Variants in GBP7 observed in about 807,000 individuals in gnomAD.
GBP7 encodes the protein guanylate binding protein 7, also known as guanylate-binding protein 7.
GBP7 carries 43 observed loss-of-function variants against 61.3 expected under a neutral mutation model. The observed-to-expected ratio is 0.70, with a 90% CI of 0.55 to 0.91. The LOEUF is 0.91. GBP7 is among the 40% of genes least tolerant of loss of function. GBP7 has a pLI of 0.00. For missense variants in GBP7, 717 were observed against 740.5 expected (o/e 0.97, Z 0.37); for synonymous variants, 267 against 271.0 (o/e 0.99, Z 0.14).
chr1:89,165,860 TA>T (rs1390130199), intron 2 of GBP7, among the ~76,000 whole-genome samples: 3 of 152,074 alleles, frequency 2.0e-5, no homozygotes, highest in African/African-American at 7.2e-5. Context: ...GACACGTGTA[TA>T]CCTACGTAAG....
In GBP7 at chr1:89,172,214, C is replaced by A. The variant is rs369352504; in HGVS notation, c.-19-260G>T. Among the ~76,000 whole-genome samples, 56 of 152,182 alleles carry A rather than the reference C, an allele frequency of 3.7e-4. 6 individuals carry two copies. The highest frequency in any genetic ancestry group is 9.2e-4 in the Admixed American group (14 of 15,284). ...CCACTTCCCTGGCTTCCCCTAATGT[C>A]GATATTTTACTTAACCATAGAACAA... On this transcript the variant is annotated intron_variant, in intron 1 of 10. Transcript: ENST00000294671.
chr1:89,152,693 T>C lies in GBP7; in HGVS notation c.403A>G (p.Asn135Asp). 1 of 1,613,036 alleles carries C rather than the reference T, an allele frequency of 6.2e-7. No individual in the cohort carries two copies. The highest frequency in any genetic ancestry group is 8.5e-7 in the Non-Finnish European group (1 of 1,179,960). Residue 135 changes from asparagine (N) to aspartate (D), a missense_variant, in exon 4 of 11, where the codon AAC (asparagine) becomes GAC (aspartate). By Grantham distance (23) the Asn-to-Asp change is conservative. Transcript: ENST00000294671. The stretch of plus-strand genomic sequence containing the variant: ...TGCAGCTGCTCCAGGGCCTGGTGGT[T>C]GATGGTGCCCATGCTGTTGTAGACA... ...SFVYNSMGTINHQALEQLHYV... is the reference protein window; with the variant it reads ...SFVYNSMGTIDHQALEQLHYV...
chr1:89,147,649 A>G lies in GBP7; in HGVS notation c.1283T>C (p.Val428Ala). The change falls in exon 8 of 11, where the codon GTT becomes GCT. Residue 428 changes from valine to alanine, a missense_variant. Physicochemically the swap from Val to Ala is moderately conservative, Grantham distance 64 (BLOSUM62 0). Coordinates refer to ENST00000294671, the MANE Select transcript of GBP7 (RefSeq NM_207398.3). Reference sequence around the variant, plus strand: ...TAAGTAGATATTGTGCCCCCCCGGAACAAAGAAAGTTCCTCTTGAAATACT... The same window carrying G: ...TAAGTAGATATTGTGCCCCCCCGGAGCAAAGAAAGTTCCTCTTGAAATACT... ...TESISRGTFFVPGGHNIYLEA... is the reference protein window; with the variant it reads ...TESISRGTFFAPGGHNIYLEA... The G allele has an allele frequency of 6.2e-7, 1 of 1,614,192 alleles. No individual in the cohort carries two copies. Among genetic ancestry groups the G allele is most frequent in the East Asian group, 2.2e-5 (1 of 44,884 alleles).
intron 3 of GBP7, among the ~76,000 whole-genome samples, chr1:89,161,014 T>A (rs1032946734): frequency 1.3e-5 from 2 of 152,180 alleles, no homozygotes; most frequent in Non-Finnish European, 2.9e-5. Context: ...TAGCTCCCAC[T>A]TATAAGTGAG....
At chr1:89,170,799 G>A (rs1175535395) in intron 2 of GBP7, among the ~76,000 whole-genome samples, 3 of 152,090 alleles carry the variant, frequency 2.0e-5, no homozygotes, top group South Asian at 2.1e-4. Context: ...ACAACCTTGC[G>A]ACAAAGGCTA....
rs376337444 is a variant in GBP7 at position 89,149,578 on chromosome 1, T to A, written c.872-6A>T. On this transcript the variant is annotated splice_polypyrimidine_tract_variant and splice_region_variant and intron_variant, in intron 6 of 10. Transcript: ENST00000294671. ...CTCCACCAGCATCCCCAGCCCTGAA[T>A]GATTTAGGAAATTTAGGGAATAGAT... The A allele has an allele frequency of 1.3e-6, 2 of 1,599,692 alleles. No homozygotes were observed. Among genetic ancestry groups the A allele is most frequent in the African/African-American group, 2.7e-5 (2 of 74,638 alleles).
At chr1:89,168,981 A>AAAC (rs1553127066) in intron 2 of GBP7, among the ~76,000 whole-genome samples, 2 of 149,870 alleles carry the variant, frequency 1.3e-5, no homozygotes, top group African/African-American at 2.5e-5. Context: ...AGTTAAAAAA[A>AAAC]AAACAAAAAA....
Position 89,147,698 on chromosome 1 carries a change from G to A in GBP7, c.1234C>T (p.Arg412Trp), listed in dbSNP as rs1011503091. The A allele has an allele frequency of 5.6e-6, 9 of 1,614,150 alleles. No homozygotes were observed. The highest frequency in any genetic ancestry group is 2.2e-5 in the South Asian group (2 of 91,086). Residue 412 changes from arginine to tryptophan, a missense_variant, in exon 8 of 11, where the codon CGG (arginine) becomes TGG (tryptophan). Arg to Trp is a moderately radical substitution (Grantham distance 101). Transcript: ENST00000294671. ...SAKYCQAELKRLSELLTESIS... is the reference protein window; with the variant it reads ...SAKYCQAELKWLSELLTESIS... ...CTTTCTGTCAAGAGCTCTGAAAGCCGCTTAAGCTCAGCCTGACAATATTTG... is the reference window on the plus strand; with the variant it reads ...CTTTCTGTCAAGAGCTCTGAAAGCCACTTAAGCTCAGCCTGACAATATTTG...
Position 89,152,661 on chromosome 1 carries a change from A to G in GBP7, c.428+7T>C. ...AAAACCTGGCTCTTCACTTCCTGGA[A>G]GGATACTGCAGCTGCTCCAGGGCCT... On this transcript the variant is annotated splice_region_variant and intron_variant, in intron 4 of 10. Transcript: ENST00000294671. 6.2e-7 allele frequency: 1 copy of G among 1,610,142 alleles called. No individual in the cohort carries two copies. The highest frequency in any genetic ancestry group is 8.5e-7 in the Non-Finnish European group (1 of 1,178,620).
Position 89,152,366 on chromosome 1 carries a change from A to G in GBP7, c.527T>C (p.Phe176Ser). The stretch of plus-strand genomic sequence containing the variant: ...GGTAAAATCTCGAACAGTCCAAATA[A>G]AGTCTGGAAAGAAACTCACAAACTC... ...SSEFVSFFPD[F>S]IWTVRDFTLE... The change falls in exon 5 of 11, where the codon TTT becomes TCT. Residue 176 changes from phenylalanine to serine, a missense_variant. By Grantham distance (155) the Phe-to-Ser change is radical. Transcript: ENST00000294671. The G allele has an allele frequency of 6.2e-7, 1 of 1,614,012 alleles. No individual in the cohort carries two copies. The highest frequency in any genetic ancestry group is 8.5e-7 in the Non-Finnish European group (1 of 1,179,972).
Position 89,163,602 on chromosome 1 carries a change from C to A in GBP7, c.318+1129G>T, listed in dbSNP as rs369737773. Reference sequence around the variant, plus strand: ...TTTATGTGGGGTCAGTGGTAACCATCCCCCTGTCGTTTCTGACTAATCCTA... The same window carrying A: ...TTTATGTGGGGTCAGTGGTAACCATACCCCTGTCGTTTCTGACTAATCCTA... On this transcript the variant is annotated intron_variant, in intron 3 of 10. Transcript: ENST00000294671. Among the ~76,000 whole-genome samples, 732 of 152,028 alleles carry A rather than the reference C, an allele frequency of 4.8e-3. 3 individuals are homozygous for A. Among genetic ancestry groups the A allele is most frequent in the African/African-American group, 0.016 (677 of 41,488 alleles).
intron 9 of GBP7, among the ~76,000 whole-genome samples, chr1:89,134,275 C>T (rs1000737386): frequency 3.3e-5 from 5 of 152,220 alleles, no homozygotes; most frequent in African/African-American, 4.8e-5. Flanking sequence ...CTCTCACCAC[C>T]GCTTTGCTGG....
At chr1:89,144,756 G>A (rs1328498100) in intron 8 of GBP7, among the ~76,000 whole-genome samples, 1 of 151,886 alleles carries the variant, frequency 6.6e-6, no homozygotes, top group African/African-American at 2.4e-5. Context: ...GGAACACAAG[G>A]GACCTACTCT....
At chr1:89,150,782 G>A (rs1442716051) in intron 5 of GBP7, among the ~76,000 whole-genome samples, 1 of 152,098 alleles carries the variant, frequency 6.6e-6, no homozygotes. Flanking sequence ...GAGTCAAAAA[G>A]GTACTTCTGG....
At chr1:89,173,856 A>G in intron 1 of GBP7, among the ~76,000 whole-genome samples, 1 of 152,132 alleles carries the variant, frequency 6.6e-6, no homozygotes, top group East Asian at 1.9e-4. Context: ...CTTTTCCTTC[A>G]TCTTACCACT....
In GBP7 at chr1:89,135,745, C is replaced by G. The variant is rs144836906; in HGVS notation, c.1469-2294G>C. On this transcript the variant is annotated intron_variant, in intron 9 of 10. Transcript: ENST00000294671. Reference sequence around the variant, plus strand: ...TATCAGCCACTACAAAAGCACACTTCAGTACATGGATCATTGACACTACAG... The same window carrying G: ...TATCAGCCACTACAAAAGCACACTTGAGTACATGGATCATTGACACTACAG... Among the ~76,000 whole-genome samples, 9 of 152,190 alleles carry G rather than the reference C, an allele frequency of 5.9e-5. No individual in the cohort carries two copies. In the East Asian group the frequency reaches 1.7e-3, roughly 29 times the overall value.
chr1:89,160,552 G>A (rs1647227585), intron 3 of GBP7, among the ~76,000 whole-genome samples: 1 of 152,072 alleles, frequency 6.6e-6, no homozygotes, highest in Non-Finnish European at 1.5e-5. Flanking sequence ...GTCGAGTAGG[G>A]ATAATAATAG....
At chr1:89,167,877 T>C (rs1647485797) in intron 2 of GBP7, among the ~76,000 whole-genome samples, 1 of 152,212 alleles carries the variant, frequency 6.6e-6, no homozygotes, top group South Asian at 2.1e-4. Context: ...TTTATTTTTT[T>C]CTCTTCAGAG....
intron 3 of GBP7, among the ~76,000 whole-genome samples, chr1:89,163,181 T>A (rs1228351752): frequency 6.6e-6 from 1 of 152,158 alleles, no homozygotes; most frequent in Non-Finnish European, 1.5e-5. Context: ...TTGTTGAGGA[T>A]TTTTGCATTG....
Sources: gnomAD v4.1 joint callset for allele counts (sites outside exome capture counted in the v4.1 genomes callset) on GRCh38, gnomAD v4.1.1 for gene constraint, MANE v1.5 for transcripts, NCBI Gene and HGNC (gene_info 2026-07-23, HGNC 2026-07-21) for gene names.